Variants in TRPM3 observed in about 807,000 individuals in gnomAD.
TRPM3 encodes transient receptor potential cation channel subfamily M member 3, also known as long transient receptor potential channel 3.
Under a neutral mutation model 181.2 loss-of-function variants are expected in TRPM3, and 77 were observed. The observed-to-expected ratio is 0.42, with a 90% CI of 0.35 to 0.51. TRPM3 has a LOEUF of 0.51. Among genes scored for constraint, TRPM3 ranks in the 20% least tolerant of loss-of-function variants. The pLI, the probability that TRPM3 is intolerant of heterozygous loss-of-function variation, is 0.01. For missense variants in TRPM3, 1,759 were observed against 2,196.7 expected (o/e 0.80, Z 3.98); for synonymous variants, 745 against 796.4 (o/e 0.94, Z 1.09).
intron 1 of TRPM3, among the ~76,000 whole-genome samples, chr9:71,042,304 C>T (rs1258780583): frequency 6.6e-6 from 1 of 152,134 alleles, no homozygotes; most frequent in East Asian, 1.9e-4. Context: ...ATTTGTGTTG[C>T]TTTTCTTCAA....
intron 1 of TRPM3, among the ~76,000 whole-genome samples, chr9:71,164,643 AGT>A (rs2076449331): frequency 6.6e-6 from 1 of 151,848 alleles, no homozygotes; most frequent in African/African-American, 2.4e-5. Context: ...GGAGAAGGAG[AGT>A]GAGAACAATG....
chr9:71,237,623 AATATC>A (rs1174737423), intron 1 of TRPM3, among the ~76,000 whole-genome samples: 4 of 152,312 alleles, frequency 2.6e-5, no homozygotes, highest in African/African-American at 9.6e-5. Flanking sequence ...CCCAAGCAGA[AATATC>A]AAAACACTTC....
intron 1 of TRPM3, among the ~76,000 whole-genome samples, chr9:71,208,389 T>C (rs147727921): frequency 1.8e-3 from 275 of 152,238 alleles, no homozygotes; most frequent in African/African-American, 6.4e-3. Context: ...TTTGAAACAA[T>C]GAATGAAATA....
chr9:70,860,678 C>T (rs183122829), intron 3 of TRPM3, among the ~76,000 whole-genome samples: 6 of 152,268 alleles, frequency 3.9e-5, no homozygotes, highest in Admixed American at 3.9e-4. Context: ...TGTAATTTGG[C>T]TTTCTAAAAT....
chr9:71,000,489 A>G (rs1488371326), intron 1 of TRPM3, among the ~76,000 whole-genome samples: 2 of 152,232 alleles, frequency 1.3e-5, no homozygotes, highest in Non-Finnish European at 2.9e-5. Flanking sequence ...TAACGTATAT[A>G]TAAACAACAA....
chr9:71,101,593 A>G (rs929976506), intron 1 of TRPM3, among the ~76,000 whole-genome samples: 12 of 152,192 alleles, frequency 7.9e-5, no homozygotes, highest in African/African-American at 2.9e-4. Flanking sequence ...TGTGTTGTCA[A>G]AGGTGAATAT....
chr9:71,085,143 C>T (rs182915334), intron 1 of TRPM3, among the ~76,000 whole-genome samples: 9 of 151,852 alleles, frequency 5.9e-5, no homozygotes, highest in African/African-American at 1.7e-4. Context: ...GATGGATTAC[C>T]GATTTAAATG....
In TRPM3 at chr9:70,529,248, T is replaced by C. The variant is rs2040537674; in HGVS notation, c.*6705A>G. On this transcript the variant is annotated 3_prime_UTR_variant, in exon 26 of 26. Transcript: ENST00000677713. Reference sequence around the variant, plus strand: ...AACAATTCTTCTAAGGATTTATATATATTTATAGTGTCGATAGATATGCAT... The same window carrying C: ...AACAATTCTTCTAAGGATTTATATACATTTATAGTGTCGATAGATATGCAT... The C allele has an allele frequency of 6.6e-6, 1 of 152,210 alleles. No homozygotes were observed. The highest frequency in any genetic ancestry group is 1.5e-5 in the Non-Finnish European group (1 of 68,036). 9.4% of individuals were successfully genotyped at this position (152,210 alleles called of 1,614,324 possible). A position where few individuals can be genotyped will look rare whatever the true frequency, so the allele number is the denominator to read the frequency against.
intron 9 of TRPM3, among the ~76,000 whole-genome samples, chr9:70,642,668 C>T (rs969770133): frequency 4.6e-5 from 7 of 152,216 alleles, no homozygotes; most frequent in South Asian, 2.1e-4. Context: ...GGAATTACTG[C>T]GCTGTGTGCC....
chr9:70,992,241 A>G (rs1044496142), intron 1 of TRPM3, among the ~76,000 whole-genome samples: 2 of 152,156 alleles, frequency 1.3e-5, no homozygotes, highest in African/African-American at 4.8e-5. Context: ...TGAAGAAGTA[A>G]ATTTTGAGTT....
At chr9:70,968,946 G>A (rs951697375) in intron 1 of TRPM3, among the ~76,000 whole-genome samples, 10 of 152,152 alleles carry the variant, frequency 6.6e-5, no homozygotes, top group South Asian at 4.1e-4. Context: ...CAGGACATAG[G>A]CATGAGCAAA....
chr9:71,034,164 C>T (rs1372909778), intron 1 of TRPM3, among the ~76,000 whole-genome samples: 3 of 152,134 alleles, frequency 2.0e-5, no homozygotes, highest in Non-Finnish European at 2.9e-5. Flanking sequence ...ACCTACTGTA[C>T]TTCGAAGCCG....
intron 1 of TRPM3, among the ~76,000 whole-genome samples, chr9:70,980,413 G>A (rs1330715273): frequency 6.6e-6 from 1 of 152,028 alleles, no homozygotes; most frequent in Non-Finnish European, 1.5e-5. Context: ...AGCTGGGAGG[G>A]TTCTTGTTTT....
chr9:71,345,204 C>T (rs2132630617), intron 1 of TRPM3, among the ~76,000 whole-genome samples: 1 of 152,278 alleles, frequency 6.6e-6, no homozygotes, highest in African/African-American at 2.4e-5. Context: ...GATCTACAAT[C>T]AGAAATACCA....
chr9:70,681,075 C>CCATTTTAAT (rs2065304713), intron 9 of TRPM3, among the ~76,000 whole-genome samples: 1 of 148,698 alleles, frequency 6.7e-6, no homozygotes, highest in Non-Finnish European at 1.5e-5. Flanking sequence ...TTTTGATTTT[C>CCATTTTAAT]CATTTTAATA....
chr9:71,100,450 C>T (rs1159412251), intron 1 of TRPM3, among the ~76,000 whole-genome samples: 1 of 152,154 alleles, frequency 6.6e-6, no homozygotes, highest in Non-Finnish European at 1.5e-5. Flanking sequence ...CCCAGCTCAT[C>T]ACAACAGTTC....
intron 8 of TRPM3, among the ~76,000 whole-genome samples, chr9:70,750,893 G>C (rs1465412174): frequency 6.6e-6 from 1 of 151,868 alleles, no homozygotes; most frequent in Admixed American, 6.6e-5. Flanking sequence ...GAGATTGAGA[G>C]AGCAAGGTTA....
intron 9 of TRPM3, 101 bp downstream of exon 9, chr9:70,681,405 C>A: frequency 1.0e-6 from 1 of 956,646 alleles, no homozygotes; most frequent in Non-Finnish European, 1.6e-6. Flanking sequence ...TTTATTGTGT[C>A]ATAGTATCAT....
intron 1 of TRPM3, among the ~76,000 whole-genome samples, chr9:71,060,264 T>C (rs2061161706): frequency 1.3e-5 from 2 of 152,046 alleles, no homozygotes; most frequent in Admixed American, 6.6e-5. Flanking sequence ...ACTCCTTGAC[T>C]GGGTGAGAGG....
Sources: gnomAD v4.1 joint callset for allele counts (sites outside exome capture counted in the v4.1 genomes callset) on GRCh38, gnomAD v4.1.1 for gene constraint, MANE v1.5 for transcripts, NCBI Gene and HGNC (gene_info 2026-07-23, HGNC 2026-07-21) for gene names.